Variants in VPS13B observed in about 807,000 individuals in gnomAD.
The protein encoded by VPS13B is vacuolar protein sorting 13 homolog B.
Under a neutral mutation model 426.4 loss-of-function variants are expected in VPS13B, and 285 were observed. The ratio of observed to expected loss-of-function variants is 0.67; its 90% CI spans 0.61 to 0.74. The LOEUF is 0.74. VPS13B is among the 30% of genes least tolerant of loss of function. The pLI is 0.00. For synonymous variants in VPS13B, 1,676 were observed against 1,676.4 expected (o/e 1.00, Z 0.01); for missense variants, 4,537 against 4,782.6 (o/e 0.95, Z 1.51).
At chr8:99,750,631 G>A (rs1276683679) in intron 39 of VPS13B, among the ~76,000 whole-genome samples, 3 of 152,138 alleles carry the variant, frequency 2.0e-5, no homozygotes, top group African/African-American at 7.2e-5. Context: ...AGACATAGAA[G>A]CTGAGATTAG....
At chr8:99,429,450 T>A (rs1295362129) in intron 21 of VPS13B, 2 of 152,140 alleles carry the variant, frequency 1.3e-5, no homozygotes, top group African/African-American at 4.8e-5. Flanking sequence ...TCTTGTCTAT[T>A]TTTTTATAGT....
chr8:99,826,664 G>A (rs1467531911), intron 51 of VPS13B, among the ~76,000 whole-genome samples: 13 of 152,254 alleles, frequency 8.5e-5, no homozygotes, highest in South Asian at 2.1e-4. Flanking sequence ...CAAAGGGAAC[G>A]CTTCCAGCTT....
intron 17 of VPS13B, among the ~76,000 whole-genome samples, chr8:99,215,053 A>G (rs1474344408): frequency 3.9e-5 from 6 of 152,154 alleles, no homozygotes; most frequent in African/African-American, 1.4e-4. Flanking sequence ...TTAAGTAGAA[A>G]ATAGGTTCCT....
chr8:99,419,171 A>C (rs146742799), intron 21 of VPS13B, among the ~76,000 whole-genome samples: 21 of 152,154 alleles, frequency 1.4e-4, no homozygotes, highest in Admixed American at 1.4e-3. Context: ...CTCCTGGTAG[A>C]GTTCTCAAGA....
intron 36 of VPS13B, among the ~76,000 whole-genome samples, chr8:99,701,678 C>T (rs902180042): frequency 1.3e-5 from 2 of 152,144 alleles, no homozygotes; most frequent in Non-Finnish European, 2.9e-5. Context: ...TTATACAACT[C>T]TAACATGTAG....
Position 99,818,486 on chromosome 8 carries a change from G to T in VPS13B, c.8397G>T (p.Trp2799Cys), listed in dbSNP as rs386834112. 1 of 1,613,898 alleles carries T rather than the reference G, an allele frequency of 6.2e-7. No homozygotes were observed. The highest frequency in any genetic ancestry group is 8.5e-7 in the Non-Finnish European group (1 of 1,179,940). ...CAAACAGTTCCATTATTTATGTCTG[G>T]TGCACAGTTTTGACTTTAGAACCCA... is the stretch of plus-strand genomic sequence containing the variant. ...PSSNSSIIYV[W>C]CTVLTLEPNS... The change falls in exon 46 of 62, where the codon TGG becomes TGT. Residue 2799 changes from tryptophan to cysteine, a missense_variant. Transcript: ENST00000357162.
At chr8:99,755,612 A>C (rs4735643) in intron 39 of VPS13B, among the ~76,000 whole-genome samples, 1 of 152,036 alleles carries the variant, frequency 6.6e-6, no homozygotes, top group Non-Finnish European at 1.5e-5. Context: ...TCTACTAAAA[A>C]TACAAAAATT....
rs752072948 is a variant in VPS13B, at chr8:99,013,794, G to T, written c.6G>T (p.Leu2=). The T allele has an allele frequency of 5.0e-6, 8 of 1,614,018 alleles. No individual in the cohort carries two copies. Among genetic ancestry groups the T allele is most frequent in the Non-Finnish European group, 6.8e-6 (8 of 1,180,040 alleles). The change falls in exon 2 of 62, where the codon CTG becomes CTT. Residue 2 remains leucine, a synonymous_variant. Coordinates refer to ENST00000357162, the MANE Select transcript of VPS13B (RefSeq NM_152564.5). ...TCGACTCCTTACCTTAAAAGATGCTGGAGTCATATGTAACTCCAATTTTAA... is the reference window on the plus strand; with the variant it reads ...TCGACTCCTTACCTTAAAAGATGCTTGAGTCATATGTAACTCCAATTTTAA... M[L]ESYVTPILMS...
At chr8:99,670,227 G>C (rs1308945936) in intron 35 of VPS13B, among the ~76,000 whole-genome samples, 1 of 152,020 alleles carries the variant, frequency 6.6e-6, no homozygotes, top group South Asian at 2.1e-4. Context: ...TAATCAAATA[G>C]TGTCTCGATT....
Position 99,859,444 on chromosome 8 carries a change from A to G in VPS13B, c.11008A>G (p.Arg3670Gly). 3 of 1,613,984 alleles carry G rather than the reference A, an allele frequency of 1.9e-6. No homozygotes were observed. Among genetic ancestry groups the G allele is most frequent in the Non-Finnish European group, 2.5e-6 (3 of 1,180,026 alleles). ...TGGAGCCTTCGTGAGTGGCGTCTCC[A>G]GAGGGACCACATCGTTTGTAAAGCA... ...GPGAFVSGVS[R>G]GTTSFVKHIS... Residue 3670 changes from arginine to glycine, a missense_variant, in exon 57 of 62, where the codon AGA (arginine) becomes GGA (glycine). This residue lies in a region of VPS13B where 4,311 missense variants were observed against 4,474.3 expected (regional missense o/e 0.96). Coordinates refer to ENST00000357162, the MANE Select transcript of VPS13B (RefSeq NM_152564.5).
intron 34 of VPS13B, among the ~76,000 whole-genome samples, chr8:99,646,940 A>G (rs1053486018): frequency 6.6e-6 from 1 of 152,222 alleles, no homozygotes; most frequent in African/African-American, 2.4e-5. Flanking sequence ...CTGCAGAGCC[A>G]TAATCCAAAT....
intron 17 of VPS13B, among the ~76,000 whole-genome samples, chr8:99,220,780 CTTTTTTTT>C (rs5893485): frequency 8.9e-6 from 1 of 112,962 alleles, no homozygotes; most frequent in Non-Finnish European, 1.7e-5. Flanking sequence ...TAGTTTTATT[CTTTTTTTT>C]TTTTTTTTTT....
At chr8:99,105,999 A>T (rs1244115702) in intron 5 of VPS13B, among the ~76,000 whole-genome samples, 1 of 152,218 alleles carries the variant, frequency 6.6e-6, no homozygotes, top group Non-Finnish European at 1.5e-5. Flanking sequence ...GGCTAGTGTT[A>T]CATATTTTAT....
chr8:99,604,339 G>A (rs1164458634), intron 33 of VPS13B, among the ~76,000 whole-genome samples: 1 of 151,874 alleles, frequency 6.6e-6, no homozygotes, highest in Non-Finnish European at 1.5e-5. Flanking sequence ...ATTATTAATT[G>A]CAGTTCATAT....
At chr8:99,767,493 CAAAAAAAA>C (rs869220303) in intron 40 of VPS13B, among the ~76,000 whole-genome samples, 1 of 33,332 alleles carries the variant, frequency 3.0e-5, no homozygotes, top group African/African-American at 1.1e-4. Context: ...GCAACTCTCT[CAAAAAAAA>C]AAAAAAAAAA....
chr8:99,121,751 G>T, intron 8 of VPS13B: 3 of 426,360 alleles, frequency 7.0e-6, no homozygotes, highest in Non-Finnish European at 1.0e-5. Flanking sequence ...AAAAAGAAAG[G>T]AACAGCAAAA....
chr8:99,754,726 G>A (rs1810555370), intron 39 of VPS13B, among the ~76,000 whole-genome samples: 1 of 152,028 alleles, frequency 6.6e-6, no homozygotes, highest in East Asian at 1.9e-4. Flanking sequence ...GAATATATTT[G>A]GTTTTATCAC....
At chr8:99,128,191 C>T (rs1809534634) in intron 8 of VPS13B, among the ~76,000 whole-genome samples, 1 of 151,558 alleles carries the variant, frequency 6.6e-6, no homozygotes, top group South Asian at 2.1e-4. Flanking sequence ...GAGTTCGAGA[C>T]CAGCCTGGCC....
chr8:99,154,955 A>T (rs1020185073), intron 14 of VPS13B, among the ~76,000 whole-genome samples: 8 of 152,154 alleles, frequency 5.3e-5, no homozygotes, highest in African/African-American at 1.7e-4. Context: ...AAAAATCAAT[A>T]ATATAAATAG....
Sources: allele counts gnomAD v4.1 joint callset (sites outside exome capture counted in the v4.1 genomes callset), GRCh38; gene constraint gnomAD v4.1.1; regional missense constraint gnomAD v4.1.1; transcripts MANE v1.5; gene names NCBI Gene and HGNC (gene_info 2026-07-23, HGNC 2026-07-21).